The following MAGI1 variants were observed in gnomAD, a reference collection of about 807,000 sequenced individuals.
MAGI1 encodes the protein membrane associated guanylate kinase, WW and PDZ domain containing 1.
In MAGI1, 58 loss-of-function variants were observed where a neutral mutation model predicts 139.9. The observed-to-expected ratio is 0.41, with a 90% CI of 0.34 to 0.52. The LOEUF (loss-of-function observed/expected upper bound fraction) is 0.52. Among genes scored for constraint, MAGI1 ranks in the 20% least tolerant of loss-of-function variants. MAGI1 has a pLI of 0.12. For missense variants in MAGI1, 1,874 were observed against 1,901.6 expected, an observed-to-expected ratio of 0.99 and a Z score of 0.27; for synonymous variants, 812 against 737.9, an observed-to-expected ratio of 1.10 and a Z score of -1.63.
intron 1 of MAGI1, among the ~76,000 whole-genome samples, chr3:65,957,234 G>A (rs992886396): frequency 2.0e-5 from 3 of 151,590 alleles, no homozygotes; most frequent in Non-Finnish European, 4.4e-5. Context: ...GTCAAAATGG[G>A]CTGGGCACAC....
At chr3:65,409,021 T>C (rs1043631963) in intron 12 of MAGI1, among the ~76,000 whole-genome samples, 1 of 152,178 alleles carries the variant, frequency 6.6e-6, no homozygotes, top group Non-Finnish European at 1.5e-5. Context: ...GTGCCGGGGA[T>C]GCACAACTAC....
At chr3:65,597,442 C>T (rs1198812063) in intron 2 of MAGI1, among the ~76,000 whole-genome samples, 2 of 152,136 alleles carry the variant, frequency 1.3e-5, no homozygotes, top group African/African-American at 2.4e-5. Context: ...CCCCATTGTT[C>T]GCCAGGCATC....
In MAGI1 at chr3:65,565,683, C is replaced by T. The variant is rs2080584111; in HGVS notation, c.430+56289G>A. ...ACCAGCCTGGTCAACATGGTGAAAC[C>T]CTGTCTCTACTAAAAATACAAAAAT... is the stretch of plus-strand genomic sequence containing the variant. On this transcript the variant is annotated intron_variant, in intron 2 of 22. Transcript: ENST00000402939. Among the ~76,000 whole-genome samples, 4 of 151,542 alleles carry T rather than the reference C, an allele frequency of 2.6e-5. 1 individual carries two copies. The South Asian group carries it at 8.3e-4, about 32-fold the overall frequency.
chr3:65,834,658 T>C (rs2042711857), intron 1 of MAGI1, among the ~76,000 whole-genome samples: 1 of 152,252 alleles, frequency 6.6e-6, no homozygotes, highest in Non-Finnish European at 1.5e-5. Flanking sequence ...GTTCTATCAA[T>C]TATTGAGAGA....
intron 1 of MAGI1, among the ~76,000 whole-genome samples, chr3:65,945,938 G>C (rs1434609833): frequency 6.6e-6 from 1 of 152,160 alleles, no homozygotes; most frequent in Non-Finnish European, 1.5e-5. Flanking sequence ...CAATAAAGTG[G>C]TAATCATTCT....
intron 16 of MAGI1, among the ~76,000 whole-genome samples, chr3:65,380,062 G>A (rs887092110): frequency 7.9e-5 from 12 of 152,196 alleles, no homozygotes; most frequent in African/African-American, 2.9e-4. Context: ...GAGGCTACCC[G>A]CCCTATGTGG....
At chr3:65,498,207 G>A (rs1952586357) in intron 2 of MAGI1, among the ~76,000 whole-genome samples, 1 of 150,070 alleles carries the variant, frequency 6.7e-6, no homozygotes, top group Admixed American at 6.6e-5. Context: ...AACAAAGCCA[G>A]AAGGGTTACT....
In MAGI1 at chr3:65,401,447, G is replaced by A. The variant is rs774636249; in HGVS notation, c.2191C>T (p.Pro731Ser). The A allele has an allele frequency of 8.7e-6, 14 of 1,610,796 alleles. No individual in the cohort carries two copies. The highest frequency in any genetic ancestry group is 1.2e-5 in the Non-Finnish European group (14 of 1,178,688). ...RGGLPVPKKS[P>S]KSQPLERKDS... ...AACTGACAAGTCCTTACCGACTTTG[G>A]GCTCTTCTTGGGAACTGGCAGCCCT... Residue 731 changes from proline (P) to serine (S), a missense_variant, in exon 13 of 23, where the codon CCA (proline) becomes TCA (serine). Pro to Ser is a moderately conservative substitution (Grantham distance 74). Transcript: ENST00000402939.
chr3:65,932,837 A>G (rs2106748208), intron 1 of MAGI1, among the ~76,000 whole-genome samples: 1 of 152,310 alleles, frequency 6.6e-6, no homozygotes, highest in African/African-American at 2.4e-5. Flanking sequence ...TCTAGATAAT[A>G]AATTATCCTT....
intron 1 of MAGI1, among the ~76,000 whole-genome samples, chr3:65,864,018 G>A (rs2059638906): frequency 6.6e-6 from 1 of 152,026 alleles, no homozygotes; most frequent in East Asian, 1.9e-4. Context: ...ATAAATGAGA[G>A]TGGAAAGAAT....
At chr3:65,414,602 T>C (rs1946046745) in intron 12 of MAGI1, among the ~76,000 whole-genome samples, 1 of 152,202 alleles carries the variant, frequency 6.6e-6, no homozygotes, top group African/African-American at 2.4e-5. Context: ...GAGCAGTGAT[T>C]CCTGGATTTT....
At chr3:65,955,623 T>G (rs2064085898) in intron 1 of MAGI1, among the ~76,000 whole-genome samples, 1 of 152,168 alleles carries the variant, frequency 6.6e-6, no homozygotes, top group African/African-American at 2.4e-5. Context: ...ATATAACATT[T>G]TTGCCTTTCC....
At position 65,442,860 on chromosome 3, in the gene MAGI1, A is replaced by G. The variant is rs1237172954; in HGVS notation, c.1079-11T>C. 3 of 1,611,196 alleles carry G rather than the reference A, an allele frequency of 1.9e-6. No individual in the cohort carries two copies. The highest frequency in any genetic ancestry group is 2.5e-6 in the Non-Finnish European group (3 of 1,177,758). On this transcript the variant is annotated splice_polypyrimidine_tract_variant and intron_variant, in intron 7 of 22. Transcript: ENST00000402939. Reference sequence around the variant, plus strand: ...AACCAGCAGGCAGTTCTGAAAAATAAAAGAACATTTAGGGCAAGAAGAGCA... The same window carrying G: ...AACCAGCAGGCAGTTCTGAAAAATAGAAGAACATTTAGGGCAAGAAGAGCA...
chr3:65,702,485 G>C (rs1451803349), intron 1 of MAGI1, among the ~76,000 whole-genome samples: 1 of 151,792 alleles, frequency 6.6e-6, no homozygotes, highest in Non-Finnish European at 1.5e-5. Context: ...TATATATGCA[G>C]AATCCAGGCC....
Position 65,514,489 on chromosome 3 carries a change from C to G in MAGI1, c.431-20858G>C, listed in dbSNP as rs1302483890. Among the ~76,000 whole-genome samples, 652 of 147,520 alleles carry G rather than the reference C, an allele frequency of 4.4e-3. 1 individual carries two copies. The highest frequency in any genetic ancestry group is 0.015 in the African/African-American group (586 of 38,018). On this transcript the variant is annotated intron_variant, in intron 2 of 22. Coordinates refer to ENST00000402939, the MANE Select transcript of MAGI1 (RefSeq NM_001033057.2). ...AAAAAACAAACAACCCCATCAAAAA[C>G]TGGGCGAATGACATGAACAGACACT...
At chr3:65,834,893 C>T (rs1269309216) in intron 1 of MAGI1, among the ~76,000 whole-genome samples, 1 of 152,170 alleles carries the variant, frequency 6.6e-6, no homozygotes, top group South Asian at 2.1e-4. Flanking sequence ...GACATTAATA[C>T]AGCCATTACT....
chr3:65,800,697 C>A (rs2040461677), intron 1 of MAGI1, among the ~76,000 whole-genome samples: 4 of 151,666 alleles, frequency 2.6e-5, no homozygotes, highest in Admixed American at 2.6e-4. Flanking sequence ...GGAGTGATAG[C>A]AAAAACTAAA....
intron 1 of MAGI1, among the ~76,000 whole-genome samples, chr3:65,753,841 G>A (rs191110530): frequency 5.2e-4 from 79 of 152,196 alleles, no homozygotes; most frequent in Middle Eastern, 3.4e-3. Context: ...TAATATCCAG[G>A]AGAAAGAAAA....
intron 2 of MAGI1, among the ~76,000 whole-genome samples, chr3:65,599,580 T>C (rs181896556): frequency 4.9e-4 from 75 of 152,282 alleles, no homozygotes; most frequent in African/African-American, 1.7e-3. Flanking sequence ...GTGTACAAAA[T>C]GGAACAAAAA....
Sources: allele counts gnomAD v4.1 joint callset (sites outside exome capture counted in the v4.1 genomes callset), GRCh38; gene constraint gnomAD v4.1.1; transcripts MANE v1.5; gene names NCBI Gene and HGNC (gene_info 2026-07-23, HGNC 2026-07-21).